The following DPP10 variants were observed in gnomAD, a reference collection of about 807,000 sequenced individuals.
The protein encoded by DPP10 is inactive dipeptidyl peptidase 10.
In DPP10, 33 loss-of-function variants were observed where a neutral mutation model predicts 120.9. The observed-to-expected ratio is 0.27, with a 90% CI of 0.21 to 0.37. The LOEUF (loss-of-function observed/expected upper bound fraction) is 0.37, where lower values mean the gene tolerates loss of function less well. Ranked by LOEUF, DPP10 falls within the 10% of genes least tolerant of loss-of-function variation. The pLI, the probability that DPP10 is intolerant of heterozygous loss-of-function variation, is 1.00. For synonymous variants in DPP10, 337 were observed against 326.1 expected (o/e 1.03, Z -0.36); for missense variants, 816 against 942.8 (o/e 0.87, Z 1.76).
intron 2 of DPP10, among the ~76,000 whole-genome samples, chr2:115,336,579 C>T (rs199883633): frequency 2.7e-5 from 4 of 149,682 alleles, no homozygotes; most frequent in Non-Finnish European, 4.5e-5. Context: ...CTCTCTCTCT[C>T]TCTGTCTCTC....
At chr2:115,122,179 A>G (rs2049859051) in intron 1 of DPP10, among the ~76,000 whole-genome samples, 1 of 152,206 alleles carries the variant, frequency 6.6e-6, no homozygotes, top group Non-Finnish European at 1.5e-5. Context: ...GGGTACCCAT[A>G]ACCTTGGTCC....
chr2:114,898,521 T>C (rs569834176), intron 1 of DPP10, among the ~76,000 whole-genome samples: 2 of 150,598 alleles, frequency 1.3e-5, no homozygotes, highest in African/African-American at 2.4e-5. Flanking sequence ...AAAAAAAAAA[T>C]AAAGGTGGTA....
intron 3 of DPP10, among the ~76,000 whole-genome samples, chr2:115,384,556 G>GGA (rs1416814614): frequency 8.4e-4 from 56 of 66,790 alleles, no homozygotes; most frequent in South Asian, 2.6e-3. Flanking sequence ...GGAAGAAGAA[G>GGA]AGGAAGAAGA....
chr2:115,761,256 T>C (rs1680082444), intron 11 of DPP10, among the ~76,000 whole-genome samples: 2 of 152,064 alleles, frequency 1.3e-5, no homozygotes. Flanking sequence ...CATAAAAAAT[T>C]AAAGTAAAAA....
At chr2:114,752,218 C>T (rs1679298874) in intron 1 of DPP10, among the ~76,000 whole-genome samples, 1 of 152,130 alleles carries the variant, frequency 6.6e-6, no homozygotes, top group Admixed American at 6.5e-5. Flanking sequence ...TGCCCCTTCC[C>T]CTGCCATGTG....
intron 3 of DPP10, among the ~76,000 whole-genome samples, chr2:115,378,860 A>T (rs1177393185): frequency 6.6e-6 from 1 of 151,924 alleles, no homozygotes; most frequent in Admixed American, 6.5e-5. Flanking sequence ...ACTTTTATTG[A>T]TTTGCATATA....
At chr2:115,654,439 A>AT (rs1346991082) in intron 5 of DPP10, among the ~76,000 whole-genome samples, 5 of 151,888 alleles carry the variant, frequency 3.3e-5, no homozygotes, top group Admixed American at 6.6e-5. Context: ...TAATTTAATG[A>AT]TTTTTCCTAA....
intron 1 of DPP10, among the ~76,000 whole-genome samples, chr2:115,008,116 C>T: frequency 7.2e-6 from 1 of 138,670 alleles, no homozygotes; most frequent in African/African-American, 2.7e-5. Flanking sequence ...GCCCGCATCA[C>T]CAAGTCAATC....
chr2:115,770,441 AT>A (rs551876544), intron 13 of DPP10, among the ~76,000 whole-genome samples: 1 of 151,720 alleles, frequency 6.6e-6, no homozygotes, highest in East Asian at 1.9e-4. Flanking sequence ...AGTAGAAAAC[AT>A]TTTTTTTCTA....
chr2:115,389,851 C>A lies in DPP10; in HGVS notation c.271+45939C>A, dbSNP rs186657759. 1.9e-3 allele frequency among the ~76,000 whole-genome samples: 285 copies of A among 152,244 alleles called. 6 individuals are homozygous for A. The highest frequency in any genetic ancestry group is 0.014 in the Middle Eastern group (4 of 294). ...ATATCAATTTATAGAATTATTCAAC[C>A]TGGCTTCTCTATAATTATTAATTCA... On this transcript the variant is annotated intron_variant, in intron 3 of 25. Transcript: ENST00000410059.
chr2:114,455,246 T>G (rs1445992272), intron 1 of DPP10, among the ~76,000 whole-genome samples: 2 of 151,424 alleles, frequency 1.3e-5, no homozygotes, highest in Non-Finnish European at 2.9e-5. Context: ...GAGGTGGGTT[T>G]TAAAAACGTA....
intron 1 of DPP10, among the ~76,000 whole-genome samples, chr2:115,034,382 A>G (rs1463641631): frequency 6.6e-6 from 1 of 152,172 alleles, no homozygotes; most frequent in Non-Finnish European, 1.5e-5. Context: ...ACAAACAAGA[A>G]GAGTCCTAAA....
At chr2:114,654,803 T>C (rs80308672) in intron 1 of DPP10, among the ~76,000 whole-genome samples, 3 of 152,084 alleles carry the variant, frequency 2.0e-5, no homozygotes, top group South Asian at 4.1e-4. Context: ...TGGATGTAGT[T>C]AAACATGGAA....
chr2:115,223,609 T>C (rs1331371006), intron 1 of DPP10, among the ~76,000 whole-genome samples: 1 of 151,998 alleles, frequency 6.6e-6, no homozygotes, highest in African/African-American at 2.4e-5. Flanking sequence ...AGAAAATGAT[T>C]AAACAAAAAT....
chr2:115,223,201 A>T (rs1322269343), intron 1 of DPP10, among the ~76,000 whole-genome samples: 1 of 152,128 alleles, frequency 6.6e-6, no homozygotes. Flanking sequence ...GAGCTATTTT[A>T]GCTTTTCCCT....
intron 1 of DPP10, among the ~76,000 whole-genome samples, chr2:114,967,543 A>G (rs1699119929): frequency 6.6e-6 from 1 of 152,226 alleles, no homozygotes; most frequent in Non-Finnish European, 1.5e-5. Flanking sequence ...GGGACAAGGC[A>G]GGGAAAGTAT....
At chr2:115,279,527 C>A (rs1385591014) in intron 1 of DPP10, among the ~76,000 whole-genome samples, 1 of 151,542 alleles carries the variant, frequency 6.6e-6, no homozygotes, top group Non-Finnish European at 1.5e-5. Flanking sequence ...AAGATTTTCT[C>A]AATTAAAAAA....
intron 1 of DPP10, among the ~76,000 whole-genome samples, chr2:114,776,056 A>G (rs1183401377): frequency 6.6e-6 from 1 of 152,210 alleles, no homozygotes; most frequent in Non-Finnish European, 1.5e-5. Flanking sequence ...GTCTTCCCAG[A>G]GATGGTGAAA....
intron 1 of DPP10, among the ~76,000 whole-genome samples, chr2:114,955,688 C>A (rs920716274): frequency 6.6e-6 from 1 of 152,118 alleles, no homozygotes; most frequent in African/African-American, 2.4e-5. Context: ...TAGGTGCAAA[C>A]GTCCTCAGCA....
Sources: allele counts gnomAD v4.1 joint callset (sites outside exome capture counted in the v4.1 genomes callset), GRCh38; gene constraint gnomAD v4.1.1; transcripts MANE v1.5; gene names NCBI Gene and HGNC (gene_info 2026-07-23, HGNC 2026-07-21).